RAB7A: variants seen among roughly 807,000 people sequenced by gnomAD.
The protein encoded by RAB7A is ras-related protein Rab-7a.
RAB7A carries 2 observed loss-of-function variants against 24.5 expected under a neutral mutation model. That is an observed-to-expected ratio of 0.08 (90% CI 0.03 to 0.26). The LOEUF is 0.26. Ranked by LOEUF, RAB7A falls within the 10% of genes least tolerant of loss-of-function variation. The pLI is 1.00. For synonymous variants in RAB7A, 100 were observed against 95.9 expected, an observed-to-expected ratio of 1.04 and a Z score of -0.25; for missense variants, 118 against 255.7, an observed-to-expected ratio of 0.46 and a Z score of 3.67.
intron 5 of RAB7A, among the ~76,000 whole-genome samples, chr3:128,808,534 A>G (rs1039189407): frequency 6.6e-6 from 1 of 152,190 alleles, no homozygotes; most frequent in Non-Finnish European, 1.5e-5. Flanking sequence ...AGTAAACAAC[A>G]CAAAGAAGGA....
At chr3:128,770,066 G>A (rs1242593818) in intron 1 of RAB7A, among the ~76,000 whole-genome samples, 1 of 150,716 alleles carries the variant, frequency 6.6e-6, no homozygotes, top group African/African-American at 2.4e-5. Context: ...GCAGTGGCGC[G>A]ATCTCGGCTT....
intron 3 of RAB7A, among the ~76,000 whole-genome samples, chr3:128,803,052 C>T (rs949862780): frequency 6.6e-6 from 1 of 152,122 alleles, no homozygotes; most frequent in African/African-American, 2.4e-5. Flanking sequence ...TCAGGTGATC[C>T]ACCTACCTTG....
intron 1 of RAB7A, among the ~76,000 whole-genome samples, chr3:128,742,788 G>A (rs1380607629): frequency 1.3e-5 from 2 of 152,198 alleles, no homozygotes; most frequent in East Asian, 3.8e-4. Flanking sequence ...AGTGCTGATT[G>A]GTGTATTTAC....
chr3:128,784,635 A>C (rs1457525541), intron 1 of RAB7A, among the ~76,000 whole-genome samples: 4 of 152,038 alleles, frequency 2.6e-5, no homozygotes, highest in African/African-American at 7.2e-5. Flanking sequence ...CCTCATTTTC[A>C]TATCCCCCTC....
At position 128,807,526 on chromosome 3, in the gene RAB7A, C is replaced by G. The variant is rs762146227; in HGVS notation, c.400-17C>G. The G allele has an allele frequency of 4.3e-6, 7 of 1,613,700 alleles. No homozygotes were observed. In the South Asian group the frequency reaches 4.4e-5, roughly 10 times the overall value. ...GCTTCTGTCATGAGCCTATGTGCACCCTGCTTCTTCTTTCAGGTGGCCACA... is the reference window on the plus strand; with the variant it reads ...GCTTCTGTCATGAGCCTATGTGCACGCTGCTTCTTCTTTCAGGTGGCCACA... On this transcript the variant is annotated splice_polypyrimidine_tract_variant and intron_variant, in intron 4 of 5. Transcript: ENST00000265062.
intron 1 of RAB7A, among the ~76,000 whole-genome samples, chr3:128,779,557 G>A (rs545616293): frequency 7.6e-5 from 11 of 144,012 alleles, no homozygotes; most frequent in African/African-American, 2.8e-4. Context: ...ACACTGGGTT[G>A]TAGCAGAGAA....
chr3:128,782,531 C>T (rs1259255718), intron 1 of RAB7A, among the ~76,000 whole-genome samples: 1 of 152,054 alleles, frequency 6.6e-6, no homozygotes, highest in Admixed American at 6.6e-5. Context: ...CCTGCTGTGA[C>T]CAGTAGTAAC....
chr3:128,776,372 T>G (rs1368449545), intron 1 of RAB7A, among the ~76,000 whole-genome samples: 1 of 152,014 alleles, frequency 6.6e-6, no homozygotes, highest in Non-Finnish European at 1.5e-5. Context: ...CAGGCTCAAG[T>G]GATCCTGATC....
At chr3:128,730,418 CG>C (rs1468829649) in intron 1 of RAB7A, among the ~76,000 whole-genome samples, 2 of 152,040 alleles carry the variant, frequency 1.3e-5, no homozygotes, top group African/African-American at 4.8e-5. Flanking sequence ...TTAGTAGAGA[CG>C]GGGTTTCACC....
intron 3 of RAB7A, among the ~76,000 whole-genome samples, chr3:128,803,823 A>G (rs562067054): frequency 6.6e-6 from 1 of 152,332 alleles, no homozygotes; most frequent in African/African-American, 2.4e-5. Flanking sequence ...AAGAAAATGC[A>G]ATGAGGGAAG....
intron 1 of RAB7A, among the ~76,000 whole-genome samples, chr3:128,781,776 G>T (rs1376747774): frequency 6.6e-6 from 1 of 152,172 alleles, no homozygotes; most frequent in Admixed American, 6.5e-5. Flanking sequence ...CACTTTGGGA[G>T]GCCGAGGCGC....
chr3:128,745,977 C>T (rs2070610170), intron 1 of RAB7A, among the ~76,000 whole-genome samples: 1 of 152,266 alleles, frequency 6.6e-6, no homozygotes, highest in Admixed American at 6.5e-5. Flanking sequence ...CCATGCTTGG[C>T]TGACCTGCCA....
At position 128,728,396 on chromosome 3, in the gene RAB7A, C is replaced by T. The variant is rs1436292323; in HGVS notation, c.-9+2037C>T. ...GATAATATTACAGTTTCTAATTAAT[C>T]ACATCTTTTAAAGAGTAACCTTCAA... On this transcript the variant is annotated intron_variant, in intron 1 of 5. Transcript: ENST00000265062. Among the ~76,000 whole-genome samples the T allele has an allele frequency of 2.0e-5, 3 of 152,218 alleles. No individual in the cohort carries two copies. The East Asian group carries it at 5.8e-4, about 29-fold the overall frequency.
At chr3:128,728,274 G>T (rs2070399742) in intron 1 of RAB7A, among the ~76,000 whole-genome samples, 1 of 152,168 alleles carries the variant, frequency 6.6e-6, no homozygotes, top group African/African-American at 2.4e-5. Flanking sequence ...TGGTGAATCA[G>T]TAGTAACCCA....
rs1933544101 is a variant in RAB7A at position 128,795,361 on chromosome 3, T to C, written c.-7T>C. On this transcript the variant is annotated splice_region_variant and 5_prime_UTR_variant, in exon 2 of 6. Transcript: ENST00000265062. ...TGATTTCTCCTTTTCCCCCTTTAGTTTGAAGGATGACCTCTAGGAAGAAAG... is the reference window on the plus strand; with the variant it reads ...TGATTTCTCCTTTTCCCCCTTTAGTCTGAAGGATGACCTCTAGGAAGAAAG... The C allele has an allele frequency of 6.8e-6, 11 of 1,611,956 alleles. No individual in the cohort carries two copies. Among genetic ancestry groups the C allele is most frequent in the Non-Finnish European group, 9.3e-6 (11 of 1,178,020 alleles).
At chr3:128,760,722 C>G (rs1160148058) in intron 1 of RAB7A, among the ~76,000 whole-genome samples, 1 of 152,198 alleles carries the variant, frequency 6.6e-6, no homozygotes, top group African/African-American at 2.4e-5. Flanking sequence ...GCAAGAGCTG[C>G]AGAAAAACAG....
intron 1 of RAB7A, among the ~76,000 whole-genome samples, chr3:128,733,356 G>A (rs977129002): frequency 1.3e-5 from 2 of 152,160 alleles, no homozygotes; most frequent in African/African-American, 4.8e-5. Flanking sequence ...GTGAGACTTT[G>A]TGTTGTTGTG....
intron 1 of RAB7A, among the ~76,000 whole-genome samples, chr3:128,771,318 G>T (rs367643652): frequency 6.6e-6 from 1 of 152,146 alleles, no homozygotes. Flanking sequence ...CAGTTTGGGG[G>T]GCTCATCTTC....
Position 128,813,568 on chromosome 3 carries a change from T to TA in RAB7A, c.*147dup. The TA allele has an allele frequency of 1.4e-6, 1 of 717,572 alleles. No individual in the cohort carries two copies. The highest frequency in any genetic ancestry group is 2.0e-5 in the Admixed American group (1 of 49,364). 44.5% of individuals were successfully genotyped at this position (717,572 alleles called of 1,614,324 possible). ...AAAAGAAAACCCCATCAAACACAGTTACACCCCACATATCTCTCACACACA... is the reference window on the plus strand; with the variant it reads ...AAAAGAAAACCCCATCAAACACAGTTAACACCCCACATATCTCTCACACACA... On this transcript the variant is annotated 3_prime_UTR_variant, in exon 6 of 6. Transcript: ENST00000265062.
Sources: allele counts gnomAD v4.1 joint callset (sites outside exome capture counted in the v4.1 genomes callset), GRCh38; gene constraint gnomAD v4.1.1; transcripts MANE v1.5; gene names NCBI Gene and HGNC (gene_info 2026-07-23, HGNC 2026-07-21).